E2F8: variants seen among roughly 807,000 people sequenced by gnomAD.
E2F8 encodes E2F transcription factor 8.
A neutral mutation model predicts 80.8 loss-of-function variants in E2F8; 35 were observed. The ratio of observed to expected loss-of-function variants is 0.43; its 90% CI spans 0.33 to 0.57. The LOEUF (loss-of-function observed/expected upper bound fraction) is 0.57. E2F8 is among the 20% of genes least tolerant of loss of function. The probability of loss-of-function intolerance (pLI) is 0.04; values close to 1 mark genes in which losing one functional copy is unlikely to be tolerated. For missense variants in E2F8, 975 were observed against 1,056.2 expected (o/e 0.92, Z 1.07); for synonymous variants, 386 against 395.0 (o/e 0.98, Z 0.27).
At chr11:19,241,474 CT>C (rs988963501), upstream of E2F8, 1 of 152,812 alleles carries the variant, frequency 6.5e-6, no homozygotes, top group African/African-American at 2.4e-5. The surrounding 1 kb of genome is among the most constrained non-coding windows in gnomAD (Gnocchi z 4.5). Context: ...CGCTGCCCCT[CT>C]CAGGCCCGGG....
At position 19,225,785 on chromosome 11, in the gene E2F8, T is replaced by G; in HGVS notation, c.1973A>C (p.Glu658Ala). 6.2e-7 allele frequency: 1 copy of G among 1,614,090 alleles called. No individual in the cohort carries two copies. The highest frequency in any genetic ancestry group is 1.1e-5 in the South Asian group (1 of 91,074). Reference sequence around the variant, plus strand: ...GTTTGGGGAAAGAGCACTTGAGTTTTCTTTACCAGACAAAATGGACTCTGC... The same window carrying G: ...GTTTGGGGAAAGAGCACTTGAGTTTGCTTTACCAGACAAAATGGACTCTGC... ...LGAESILSGK[E>A]NSSALSPNHR... The change falls in exon 11 of 13, where the codon GAA becomes GCA. Residue 658 changes from glutamate (E) to alanine (A), a missense_variant. Transcript: ENST00000250024.
chr11:19,230,490 C>T lies in E2F8; in HGVS notation c.1270+141G>A, dbSNP rs1382044117. 7.5e-6 allele frequency: 9 copies of T among 1,203,180 alleles called. No individual in the cohort carries two copies. In the South Asian group the frequency reaches 1.2e-4, roughly 16 times the overall value. 74.5% of individuals were successfully genotyped at this position (1,203,180 alleles called of 1,614,324 possible). Reference sequence around the variant, plus strand: ...CCACAAATGACTTTTTAAATTTATACATTAGTTAGGCTTCAAGAGGGTTTG... The same window carrying T: ...CCACAAATGACTTTTTAAATTTATATATTAGTTAGGCTTCAAGAGGGTTTG... On this transcript the variant is annotated intron_variant, in intron 8 of 12. Transcript: ENST00000250024.
chr11:19,237,763 C>T, intron 3 of E2F8, 91 bp downstream of exon 3: 2 of 1,497,516 alleles, frequency 1.3e-6, no homozygotes, highest in Non-Finnish European at 9.0e-7. Flanking sequence ...GGTGGTGATG[C>T]TTTAAATTGC....
chr11:19,234,594 A>T, intron 5 of E2F8, 73 bp from the exon 6 acceptor site: 5 of 1,575,174 alleles, frequency 3.2e-6, no homozygotes, highest in Non-Finnish European at 4.3e-6. Flanking sequence ...AACAAGGCTA[A>T]AAATACTACC....
chr11:19,224,790 G>T lies in E2F8; in HGVS notation c.2472C>A (p.Phe824Leu), dbSNP rs1183393139. Residue 824 changes from phenylalanine (F) to leucine (L), a missense_variant, in exon 13 of 13, where the codon TTC (phenylalanine) becomes TTA (leucine). Physicochemically the swap from Phe to Leu is conservative, Grantham distance 22. Coordinates refer to ENST00000250024, the MANE Select transcript of E2F8 (RefSeq NM_024680.4). ...GCTTGGTGGGTCCACCTGGGGTACG[G>T]AAGAAACTTTCGGCCACTAATTGTG... ...KGSQLVAESFFRTPGGPTKPT... is the reference protein window; with the variant it reads ...KGSQLVAESFLRTPGGPTKPT... The T allele has an allele frequency of 5.0e-6, 8 of 1,614,064 alleles. No individual in the cohort carries two copies. The highest frequency in any genetic ancestry group is 6.8e-6 in the Non-Finnish European group (8 of 1,180,042).
At chr11:19,227,727 T>A (rs960436687) in intron 10 of E2F8, among the ~76,000 whole-genome samples, 1 of 152,208 alleles carries the variant, frequency 6.6e-6, no homozygotes, top group African/African-American at 2.4e-5. Flanking sequence ...TCAGTAAAAA[T>A]TTGTTGAATG....
At chr11:19,237,559 C>T in intron 3 of E2F8, 89 bp from the exon 4 acceptor site, 2 of 1,353,540 alleles carry the variant, frequency 1.5e-6, no homozygotes, top group Non-Finnish European at 2.0e-6. Flanking sequence ...CTGACACCAA[C>T]TTACACACGC....
At chr11:19,232,494 T>C in intron 6 of E2F8, 123 bp from the exon 7 acceptor site, 1 of 740,458 alleles carries the variant, frequency 1.4e-6, no homozygotes, top group Non-Finnish European at 2.1e-6. Context: ...CAGAGAAACA[T>C]CTGCCTCCTT....
intron 2 of E2F8, among the ~76,000 whole-genome samples, chr11:19,238,348 G>A (rs1021360409): frequency 6.6e-6 from 1 of 152,168 alleles, no homozygotes; most frequent in Non-Finnish European, 1.5e-5. Flanking sequence ...TTTGCAATAA[G>A]CCATAAATGT....
At chr11:19,226,067 A>C in intron 10 of E2F8, 1 of 573,954 alleles carries the variant, frequency 1.7e-6, no homozygotes, top group Non-Finnish European at 3.1e-6. Flanking sequence ...CGAATAATGC[A>C]GAACATGTTT....
At chr11:19,230,129 A>G in intron 9 of E2F8, 112 bp downstream of exon 9, 1 of 1,482,734 alleles carries the variant, frequency 6.7e-7, no homozygotes, top group Non-Finnish European at 9.2e-7. Context: ...AGATACAGAA[A>G]AGATTAGCTC....
chr11:19,224,625 T>C lies in E2F8; in HGVS notation c.*33A>G. 1.2e-6 allele frequency: 2 copies of C among 1,606,952 alleles called. No homozygotes were observed. On this transcript the variant is annotated 3_prime_UTR_variant, in exon 13 of 13. Transcript: ENST00000250024. ...GTACATTTTCTCTATTAAACAACTCTTTAGAAAATTAAACTAAGCCAACAT... is the reference window on the plus strand; with the variant it reads ...GTACATTTTCTCTATTAAACAACTCCTTAGAAAATTAAACTAAGCCAACAT...
At position 19,232,146 on chromosome 11, in the gene E2F8, G is replaced by A. The variant is rs1851399218; in HGVS notation, c.1066+88C>T. ...GAACAATGAGAACACATGGACACAGGGAGGGGAACAACACACACTGGAAAT... is the reference window on the plus strand; with the variant it reads ...GAACAATGAGAACACATGGACACAGAGAGGGGAACAACACACACTGGAAAT... On this transcript the variant is annotated intron_variant, in intron 7 of 12. Coordinates refer to ENST00000250024, the MANE Select transcript of E2F8 (RefSeq NM_024680.4). 4 of 1,539,480 alleles carry A rather than the reference G, an allele frequency of 2.6e-6. No homozygotes were observed. In the Admixed American group the frequency reaches 7.5e-5, roughly 29 times the overall value.
In E2F8 at chr11:19,239,977, C is replaced by T; in HGVS notation, c.15+130G>A. The stretch of plus-strand genomic sequence containing the variant: ...ACTATAAGATAAGGTTCATTTTTTC[C>T]AGGTCTTTACAGAGGCTAACCAAGG... On this transcript the variant is annotated intron_variant, in intron 2 of 12. Transcript: ENST00000250024. 3 of 531,836 alleles carry T rather than the reference C, an allele frequency of 5.6e-6. No individual in the cohort carries two copies. In the Admixed American group the frequency reaches 1.0e-4, roughly 18 times the overall value. 32.9% of individuals were successfully genotyped at this position (531,836 alleles called of 1,614,324 possible). A position where few individuals can be genotyped will look rare whatever the true frequency, so the allele number is the denominator to read the frequency against.
chr11:19,230,888 G>T lies in E2F8; in HGVS notation c.1067-54C>A, dbSNP rs1407189698. 7 of 1,547,046 alleles carry T rather than the reference G, an allele frequency of 4.5e-6. No individual in the cohort carries two copies. In the Admixed American group the frequency reaches 1.3e-4, roughly 28 times the overall value. On this transcript the variant is annotated intron_variant, in intron 7 of 12. Coordinates refer to ENST00000250024, the MANE Select transcript of E2F8 (RefSeq NM_024680.4). ...ACCTGGATGGCTCAGTTGGCTTTTG[G>T]GATATGAAATAAAACAATTTTAGGA...
intron 12 of E2F8, 180 bp from the exon 13 acceptor site, chr11:19,225,020 A>G: frequency 8.9e-7 from 1 of 1,123,302 alleles, no homozygotes; most frequent in Non-Finnish European, 1.3e-6. Flanking sequence ...TAGGGGAGAG[A>G]CAAAAATCTC....
rs1851180890 is a variant in E2F8, at chr11:19,224,681, C to T, written c.2581G>A (p.Val861Ile). Residue 861 changes from valine (V) to isoleucine (I), a missense_variant, in exon 13 of 13, where the codon GTC (valine) becomes ATC (isoleucine). Physicochemically the swap from Val to Ile is conservative, Grantham distance 29. Transcript: ENST00000250024. Reference sequence around the variant, plus strand: ...GATTAATGGACATCCTCTGTTGAGACTTCCAGTTTTCGCTGTGGGACAAAG... The same window carrying T: ...GATTAATGGACATCCTCTGTTGAGATTTCCAGTTTTCGCTGTGGGACAAAG... ...TLFVPQRKLE[V>I]STEDVH 1 of 1,614,176 alleles carries T rather than the reference C, an allele frequency of 6.2e-7. No homozygotes were observed. Among genetic ancestry groups the T allele is most frequent in the South Asian group, 1.1e-5 (1 of 91,076 alleles).
chr11:19,224,990 A>T, intron 12 of E2F8, 150 bp from the exon 13 acceptor site: 1 of 1,148,914 alleles, frequency 8.7e-7, no homozygotes, highest in Non-Finnish European at 1.2e-6. Flanking sequence ...GGTGAGTTTT[A>T]CATTCTCAAT....
intron 10 of E2F8, among the ~76,000 whole-genome samples, chr11:19,227,171 C>T (rs745572727): frequency 6.6e-6 from 1 of 152,204 alleles, no homozygotes; most frequent in Non-Finnish European, 1.5e-5. Context: ...CAAGTTTAAT[C>T]TAGTTGTTAA....
Sources: allele counts gnomAD v4.1 joint callset (sites outside exome capture counted in the v4.1 genomes callset), GRCh38; gene constraint gnomAD v4.1.1; non-coding constraint Gnocchi (gnomAD v3.1); transcripts MANE v1.5; gene names NCBI Gene and HGNC (gene_info 2026-07-23, HGNC 2026-07-21).